PCDHGB1: variants seen among roughly 807,000 people sequenced by gnomAD.
PCDHGB1 encodes the protein protocadherin gamma subfamily B, 1.
A neutral mutation model predicts 56.6 loss-of-function variants in PCDHGB1; 34 were observed. The observed-to-expected ratio is 0.60, with a 90% CI of 0.46 to 0.80. PCDHGB1 has a LOEUF of 0.80. Among genes scored for constraint, PCDHGB1 ranks in the 30% least tolerant of loss-of-function variants. PCDHGB1 has a pLI of 0.00. For missense variants in PCDHGB1, 1,278 were observed against 1,204.6 expected, an observed-to-expected ratio of 1.06 and a Z score of -0.90; for synonymous variants, 561 against 505.9, an observed-to-expected ratio of 1.11 and a Z score of -1.46.
chr5:141,356,010 T>A lies in PCDHGB1; in HGVS notation c.2409+3341T>A. On this transcript the variant is annotated intron_variant, in intron 1 of 3. Transcript: ENST00000523390. ...TCACCGTAAAAGCCACTGATCCAGA[T>A]GAAGGAGCCAATGGAGACGTGACGT... is the stretch of plus-strand genomic sequence containing the variant. 1.2e-6 allele frequency: 2 copies of A among 1,613,914 alleles called. No individual in the cohort carries two copies. The highest frequency in any genetic ancestry group is 1.7e-6 in the Non-Finnish European group (2 of 1,179,894).
intron 1 of PCDHGB1, chr5:141,422,903 A>G (rs1444530801): frequency 1.9e-6 from 3 of 1,614,036 alleles, no homozygotes; most frequent in African/African-American, 2.7e-5. Context: ...CAGAACGACA[A>G]TGCGCCCGAG....
chr5:141,482,429 A>G (rs955366858), intron 1 of PCDHGB1, among the ~76,000 whole-genome samples: 1 of 151,366 alleles, frequency 6.6e-6, no homozygotes, highest in African/African-American at 2.4e-5. Flanking sequence ...AAAAATGATA[A>G]TACTGATATT....
At chr5:141,355,552 C>T (rs182004159) in intron 1 of PCDHGB1, 1 of 1,613,938 alleles carries the variant, frequency 6.2e-7, no homozygotes. Flanking sequence ...GAAGATTTTG[C>T]GGGTAGAGGT....
At chr5:141,380,386 G>A (rs1776453740) in intron 1 of PCDHGB1, among the ~76,000 whole-genome samples, 1 of 152,168 alleles carries the variant, frequency 6.6e-6, no homozygotes. Flanking sequence ...AAAAAGAAAA[G>A]AGAGAAGATA....
In PCDHGB1 at chr5:141,487,574, C is replaced by T. The variant is rs753979217; in HGVS notation, c.2410-7233C>T. ...TGCACCTATGGCAGGGGAGCCTGTTCGCCCAAGCTGCCCACCCTCTGATCT... is the reference window on the plus strand; with the variant it reads ...TGCACCTATGGCAGGGGAGCCTGTTTGCCCAAGCTGCCCACCCTCTGATCT... On this transcript the variant is annotated intron_variant, in intron 1 of 3. Transcript: ENST00000523390. This position sits in a 1 kb window ranked among gnomAD's most constrained non-coding sequence, Gnocchi z 5.0. 1.2e-5 allele frequency: 20 copies of T among 1,614,040 alleles called. 1 individual carries two copies. The highest frequency in any genetic ancestry group is 8.9e-5 in the East Asian group (4 of 44,870).
At chr5:141,405,246 A>G (rs1163477660) in intron 1 of PCDHGB1, 10 of 1,614,126 alleles carry the variant, frequency 6.2e-6, no homozygotes, top group Non-Finnish European at 8.5e-6. Flanking sequence ...GACTCAAGGA[A>G]GAGTCACCTG....
rs902072815 is a variant in PCDHGB1, at chr5:141,495,024, C to A, written c.2468+159C>A. On this transcript the variant is annotated intron_variant, in intron 2 of 3. Coordinates refer to ENST00000523390, the MANE Select transcript of PCDHGB1 (RefSeq NM_018922.3). ...GGTGTGCGGGGGGCTGGCACACAGACCCCGGAAGGAAGAGGCGACTGCCCT... is the reference window on the plus strand; with the variant it reads ...GGTGTGCGGGGGGCTGGCACACAGAACCCGGAAGGAAGAGGCGACTGCCCT... The A allele has an allele frequency of 1.6e-5, 16 of 973,368 alleles. No homozygotes were observed. In the South Asian group the frequency reaches 5.7e-4, roughly 35 times the overall value. The allele number at this position is 973,368 out of a possible 1,614,324, so 60.3% of individuals were successfully genotyped here. A position where few individuals can be genotyped will look rare whatever the true frequency, so the allele number is the denominator to read the frequency against.
intron 1 of PCDHGB1, chr5:141,418,535 G>A: frequency 6.2e-7 from 1 of 1,614,002 alleles, no homozygotes. Context: ...AAGCGGTACT[G>A]CTCAGATAAG....
In PCDHGB1 at chr5:141,356,315, A is replaced by G. The variant is rs748014079; in HGVS notation, c.2409+3646A>G. 1.7e-5 allele frequency: 27 copies of G among 1,554,222 alleles called. No homozygotes were observed. The highest frequency in any genetic ancestry group is 1.9e-5 in the Non-Finnish European group (22 of 1,148,376). On this transcript the variant is annotated intron_variant, in intron 1 of 3. Coordinates refer to ENST00000523390, the MANE Select transcript of PCDHGB1 (RefSeq NM_018922.3). ...ACAGTAATTGCACTTTTCAACGTGC[A>G]TGACAGTGACTCAGGAGGAAATGGC...
chr5:141,388,379 C>T (rs901735153), intron 1 of PCDHGB1: 1 of 1,613,998 alleles, frequency 6.2e-7, no homozygotes, highest in South Asian at 1.1e-5. Flanking sequence ...TTGGTAGCAA[C>T]ACACTGCAGA....
rs780268305 is a variant in PCDHGB1, at chr5:141,410,637, T to G, written c.2409+57968T>G. 1.9e-6 allele frequency: 3 copies of G among 1,599,938 alleles called. No homozygotes were observed. In the South Asian group the frequency reaches 3.3e-5, roughly 18 times the overall value. ...CTGACTTCGGTGAGTTTCTCTTTTT[T>G]GTGTGTGATTTATCTAATAGTCTAC... On this transcript the variant is annotated intron_variant, in intron 1 of 3. Transcript: ENST00000523390.
chr5:141,409,034 A>C, intron 1 of PCDHGB1: 1 of 1,613,992 alleles, frequency 6.2e-7, no homozygotes, highest in Non-Finnish European at 8.5e-7. Context: ...TGCTGAGATA[A>C]ACTACTACTT....
At chr5:141,408,378 TG>T (rs780092463) in intron 1 of PCDHGB1, 2 of 1,614,002 alleles carry the variant, frequency 1.2e-6, no homozygotes, top group Admixed American at 1.7e-5. Flanking sequence ...CTCAGTGTCC[TG>T]GATGTGTCGG....
At chr5:141,365,871 T>C in intron 1 of PCDHGB1, 1 of 1,614,098 alleles carries the variant, frequency 6.2e-7, no homozygotes, top group Non-Finnish European at 8.5e-7. Context: ...ACCGGTGTCC[T>C]GTATGCTCTG....
rs752595373 is a variant in PCDHGB1 at position 141,357,407 on chromosome 5, C to G, written c.2409+4738C>G. On this transcript the variant is annotated intron_variant, in intron 1 of 3. Transcript: ENST00000523390. ...GAAGGCAGCAGGTTGGCAGGTGTGC[C>G]TGCCTCGCACTTTGTGGGCGTGGAC... is the stretch of plus-strand genomic sequence containing the variant. 5.0e-6 allele frequency: 8 copies of G among 1,614,246 alleles called. No individual in the cohort carries two copies. The East Asian group carries it at 1.8e-4, about 36-fold the overall frequency.
chr5:141,473,887 C>T (rs887871337), intron 1 of PCDHGB1, among the ~76,000 whole-genome samples: 3 of 152,144 alleles, frequency 2.0e-5, no homozygotes, highest in Non-Finnish European at 2.9e-5. Context: ...CACAAGGGTT[C>T]TGTTGGTTCA....
rs1554123924 is a variant in PCDHGB1, at chr5:141,431,826, T to C, written c.2410-62981T>C. 1 of 1,614,220 alleles carries C rather than the reference T, an allele frequency of 6.2e-7. No homozygotes were observed. The highest frequency in any genetic ancestry group is 8.5e-7 in the Non-Finnish European group (1 of 1,180,050). The stretch of plus-strand genomic sequence containing the variant: ...GTCCTCACCTCTCTCGCCAGCTCGG[T>C]TCCCGAAAACTCTCCCAGAGGGACA... On this transcript the variant is annotated intron_variant, in intron 1 of 3. Coordinates refer to ENST00000523390, the MANE Select transcript of PCDHGB1 (RefSeq NM_018922.3). This position sits in a 1 kb window ranked among gnomAD's most constrained non-coding sequence, Gnocchi z 4.8.
At chr5:141,365,038 C>T (rs1763692774) in intron 1 of PCDHGB1, 3 of 1,613,858 alleles carry the variant, frequency 1.9e-6, no homozygotes, top group Non-Finnish European at 2.5e-6. Flanking sequence ...TCGACGCAAA[C>T]GACAATGCGC....
At chr5:141,377,245 G>C (rs376774075) in intron 1 of PCDHGB1, 1 of 151,350 alleles carries the variant, frequency 6.6e-6, no homozygotes, top group South Asian at 2.1e-4. Context: ...TGTGACATTT[G>C]TAAGGTTCTT....
Sources: gnomAD v4.1 joint callset for allele counts (sites outside exome capture counted in the v4.1 genomes callset) on GRCh38, gnomAD v4.1.1 for gene constraint, Gnocchi (gnomAD v3.1) non-coding constraint, MANE v1.5 for transcripts, NCBI Gene and HGNC (gene_info 2026-07-23, HGNC 2026-07-21) for gene names.